XPC: variants seen among roughly 807,000 people sequenced by gnomAD.
XPC encodes the protein DNA repair protein complementing XP-C cells.
Under a neutral mutation model 95.8 loss-of-function variants are expected in XPC, and 76 were observed. That is an observed-to-expected ratio of 0.79 (90% CI 0.66 to 0.96). The LOEUF is 0.96. Among genes scored for constraint, XPC ranks in the 40% least tolerant of loss-of-function variants. The probability of loss-of-function intolerance (pLI) is 0.00; values close to 1 mark genes in which losing one functional copy is unlikely to be tolerated. For missense variants in XPC, 1,146 were observed against 1,179.8 expected (o/e 0.97, Z 0.42); for synonymous variants, 442 against 442.1 (o/e 1.00, Z 0.00).
chr3:14,160,222 T>C (rs1283864746), intron 7 of XPC, among the ~76,000 whole-genome samples: 1 of 152,196 alleles, frequency 6.6e-6, no homozygotes, highest in African/African-American at 2.4e-5. Flanking sequence ...CTGTAGTCAA[T>C]ATGTGTTGCG....
chr3:14,149,086 TC>T, intron 11 of XPC, 138 bp from the exon 12 acceptor site: 1 of 1,253,538 alleles, frequency 8.0e-7, no homozygotes, highest in Non-Finnish European at 1.1e-6. Flanking sequence ...GTGCTTTTTC[TC>T]CCTTTTTTTT....
In XPC at chr3:14,156,316, A is replaced by G. The variant is rs763317709; in HGVS notation, c.2033+19T>C. 3 of 1,605,548 alleles carry G rather than the reference A, an allele frequency of 1.9e-6. No homozygotes were observed. The South Asian group carries it at 3.3e-5, about 18-fold the overall frequency. On this transcript the variant is annotated intron_variant, in intron 10 of 15. Transcript: ENST00000285021. ...TGCCATCAGGAAGCCCCTGAGGCCA[A>G]CCAGGCTGCCTCACGCACCTGGAGT...
intron 1 of XPC, among the ~76,000 whole-genome samples, chr3:14,175,754 T>C (rs1696790606): frequency 6.6e-6 from 1 of 152,222 alleles, no homozygotes; most frequent in African/African-American, 2.4e-5. Flanking sequence ...ACAGGGGTGC[T>C]ATTAAAACCT....
chr3:14,168,145 A>G lies in XPC; in HGVS notation c.536+112T>C, dbSNP rs552094632. 5.7e-6 allele frequency: 8 copies of G among 1,397,862 alleles called. No homozygotes were observed. The East Asian group carries it at 1.8e-4, about 32-fold the overall frequency. The allele number at this position is 1,397,862 out of a possible 1,614,324, so 86.6% of individuals were successfully genotyped here. A position where few individuals can be genotyped will look rare whatever the true frequency, so the allele number is the denominator to read the frequency against. ...TCAGGTTCCTGACCCAAGGTTCTCG[A>G]CCACTTTGATACTCAGTCCTGGTCC... On this transcript the variant is annotated intron_variant, in intron 4 of 15. Transcript: ENST00000285021.
intron 15 of XPC, 121 bp downstream of exon 15, chr3:14,147,169 G>T: frequency 9.7e-7 from 1 of 1,032,030 alleles, no homozygotes; most frequent in Non-Finnish European, 1.4e-6. Flanking sequence ...AGACTGAGGT[G>T]TCCTAACACA....
rs1695405550 is a variant in XPC, at chr3:14,145,869, T to A, written c.*72A>T. The A allele has an allele frequency of 1.3e-6, 2 of 1,542,086 alleles. No individual in the cohort carries two copies. Among genetic ancestry groups the A allele is most frequent in the Non-Finnish European group, 1.8e-6 (2 of 1,131,954 alleles). On this transcript the variant is annotated 3_prime_UTR_variant, in exon 16 of 16. Coordinates refer to ENST00000285021, the MANE Select transcript of XPC (RefSeq NM_004628.5). ...AGCCCCCACCACCAGGGGCTGGGCA[T>A]GCCCAGGGCAGGTGTGGGGCCTGTA...
chr3:14,157,067 C>T (rs117048347), intron 9 of XPC, among the ~76,000 whole-genome samples: 18 of 152,206 alleles, frequency 1.2e-4, no homozygotes, highest in Non-Finnish European at 2.4e-4. Flanking sequence ...CCCCAACAGA[C>T]TAGAAAGGAC....
chr3:14,158,775 C>G lies in XPC; in HGVS notation c.1108G>C (p.Glu370Gln). The G allele has an allele frequency of 6.2e-7, 1 of 1,613,904 alleles. No individual in the cohort carries two copies. The highest frequency in any genetic ancestry group is 1.1e-5 in the South Asian group (1 of 91,078). Residue 370 changes from glutamate (E) to glutamine (Q), a missense_variant, in exon 9 of 16, where the codon GAA becomes CAA. Coordinates refer to ENST00000285021, the MANE Select transcript of XPC (RefSeq NM_004628.5). This position sits in a 1 kb window ranked among gnomAD's most constrained non-coding sequence, Gnocchi z 5.2. Reference sequence around the variant, plus strand: ...CTGCAGGTGCCCTTAGCAAAGGTTTCCTCTTGTTTGGTTCCTTTGCTGGTC... The same window carrying G: ...CTGCAGGTGCCCTTAGCAAAGGTTTGCTCTTGTTTGGTTCCTTTGCTGGTC... ...PKTSKGTKQE[E>Q]TFAKGTCRPS... is the part of the protein sequence containing the mutation.
chr3:14,178,398 C>T, intron 1 of XPC, 68 bp downstream of exon 1: 2 of 1,509,846 alleles, frequency 1.3e-6, no homozygotes, highest in African/African-American at 2.8e-5. Context: ...TGGACTCCCG[C>T]CCTGCCTCTG....
At chr3:14,177,634 G>A (rs1696881607) in intron 1 of XPC, among the ~76,000 whole-genome samples, 1 of 151,804 alleles carries the variant, frequency 6.6e-6, no homozygotes, top group South Asian at 2.1e-4. Context: ...TGTAGGCCAG[G>A]ATAAAACAAC....
Position 14,158,340 on chromosome 3 carries a change from T to G in XPC, c.1543A>C (p.Ser515Arg). 1 of 1,614,008 alleles carries G rather than the reference T, an allele frequency of 6.2e-7. No homozygotes were observed. The highest frequency in any genetic ancestry group is 8.5e-7 in the Non-Finnish European group (1 of 1,179,890). The change falls in exon 9 of 16, where the codon AGC (serine) becomes CGC (arginine). Residue 515 changes from serine to arginine, a missense_variant. Coordinates refer to ENST00000285021, the MANE Select transcript of XPC (RefSeq NM_004628.5). This position sits in a 1 kb window ranked among gnomAD's most constrained non-coding sequence, Gnocchi z 5.2. ...CTTTTTTCTGCCTTCTCACCATCGC[T>G]GCACATTTTCTTGCCTCTTTTACTG... ...SSSKRGKKMC[S>R]DGEKAEKRSI...
intron 1 of XPC, 52 bp from the exon 2 acceptor site, chr3:14,173,114 A>G: frequency 6.9e-7 from 1 of 1,448,942 alleles, no homozygotes; most frequent in Non-Finnish European, 9.1e-7. Flanking sequence ...AGGTGGAGGC[A>G]GTGCAGCTTA....
At chr3:14,152,084 T>C (rs2125015134) in intron 11 of XPC, among the ~76,000 whole-genome samples, 1 of 152,246 alleles carries the variant, frequency 6.6e-6, no homozygotes, top group East Asian at 1.9e-4. Context: ...AACAGGAGTC[T>C]GAGGCCTACT....
chr3:14,146,204 A>G, intron 15 of XPC, 45 bp from the exon 16 acceptor site: 2 of 1,533,922 alleles, frequency 1.3e-6, no homozygotes, highest in Non-Finnish European at 1.8e-6. Context: ...AGGGTTAGTA[A>G]TCAGATACCA....
At chr3:14,164,057 AAAAC>A (rs925418578) in intron 7 of XPC, among the ~76,000 whole-genome samples, 8 of 152,232 alleles carry the variant, frequency 5.3e-5, no homozygotes, top group African/African-American at 1.7e-4. Flanking sequence ...TCAAAAAACA[AAAAC>A]AAACAAACAA....
intron 10 of XPC, 152 bp from the exon 11 acceptor site, chr3:14,152,568 CT>C: frequency 1.6e-6 from 1 of 639,882 alleles, no homozygotes; most frequent in Non-Finnish European, 2.6e-6. Context: ...AGAAGCTGTG[CT>C]AGGCAAACAG....
Position 14,152,335 on chromosome 3 carries a change from CT to C in XPC, c.2114del (p.Lys705ArgfsTer3), listed in dbSNP as rs1188777415. ...RVVRLGEVPY[K>X]MVKGFSNRAR... ...ACAGGGACCCCCCAGCTCCAGTTAC[CT>C]TGTAGGGTACTTCTCCAAGCCTCAC... On this transcript the variant is annotated frameshift_variant and splice_region_variant, in exon 11 of 16. Coordinates refer to ENST00000285021, the MANE Select transcript of XPC (RefSeq NM_004628.5). LOFTEE classifies it high-confidence loss of function. 1.2e-6 allele frequency: 2 copies of C among 1,612,454 alleles called. No homozygotes were observed. The highest frequency in any genetic ancestry group is 1.7e-6 in the Non-Finnish European group (2 of 1,179,366).
At position 14,168,295 on chromosome 3, in the gene XPC, C is replaced by T. The variant is rs2125040677; in HGVS notation, c.498G>A (p.Glu166=). The T allele has an allele frequency of 5.0e-6, 8 of 1,613,780 alleles. No individual in the cohort carries two copies. Among genetic ancestry groups the T allele is most frequent in the Non-Finnish European group, 6.8e-6 (8 of 1,179,850 alleles). The change falls in exon 4 of 16, where the codon GAG becomes GAA. Residue 166 remains glutamate, a synonymous_variant. Transcript: ENST00000285021. ...SLLPVKPVEI[E]IETPEQAKTR... is the part of the protein sequence containing the mutation. ...TCTTCGCCTGCTCTGGCGTTTCAAT[C>T]TCTATCTCCACTGGCTTCACAGGCA...
At position 14,158,973 on chromosome 3, in the gene XPC, G is replaced by A. The variant is rs3731127; in HGVS notation, c.991-81C>T. ...ATGATAGAAATCCTGTAATCTAATA[G>A]GGTTAAGTCACCAGCTAGAGAACCA... On this transcript the variant is annotated intron_variant, in intron 8 of 15. Coordinates refer to ENST00000285021, the MANE Select transcript of XPC (RefSeq NM_004628.5). This position sits in a 1 kb window ranked among gnomAD's most constrained non-coding sequence, Gnocchi z 5.2. 0.049 allele frequency: 77,457 copies of A among 1,570,038 alleles called. 2,232 individuals carry two copies. Among genetic ancestry groups the A allele is most frequent in the Non-Finnish European group, 0.058 (66,741 of 1,152,370 alleles).
Sources: allele counts gnomAD v4.1 joint callset (sites outside exome capture counted in the v4.1 genomes callset), GRCh38; gene constraint gnomAD v4.1.1; non-coding constraint Gnocchi (gnomAD v3.1); transcripts MANE v1.5; gene names NCBI Gene and HGNC (gene_info 2026-07-23, HGNC 2026-07-21).